ARHGAP31: variants seen among roughly 807,000 people sequenced by gnomAD.
ARHGAP31 encodes Rho GTPase activating protein 31.
ARHGAP31 carries 34 observed loss-of-function variants against 113.9 expected under a neutral mutation model. That is an observed-to-expected ratio of 0.30 (90% confidence interval 0.23 to 0.40). ARHGAP31 has a LOEUF of 0.40. Ranked by LOEUF, ARHGAP31 falls within the 10% of genes least tolerant of loss-of-function variation. The pLI is 1.00. For missense variants in ARHGAP31, 1,548 were observed against 1,767.1 expected (o/e 0.88, Z 2.22); for synonymous variants, 650 against 684.8 (o/e 0.95, Z 0.79).
At chr3:119,359,625 G>A (rs1367139454) in intron 1 of ARHGAP31, among the ~76,000 whole-genome samples, 1 of 152,106 alleles carries the variant, frequency 6.6e-6, no homozygotes, top group African/African-American at 2.4e-5. Flanking sequence ...GGCAGGGAGA[G>A]CCTCGCAGAG....
intron 10 of ARHGAP31, among the ~76,000 whole-genome samples, chr3:119,404,415 A>C (rs1388606375): frequency 6.6e-6 from 1 of 152,208 alleles, no homozygotes; most frequent in Non-Finnish European, 1.5e-5. Flanking sequence ...TGTGGAAGGC[A>C]GCCATCCAGA....
intron 1 of ARHGAP31, among the ~76,000 whole-genome samples, chr3:119,331,622 A>G (rs1287884690): frequency 6.6e-6 from 1 of 152,202 alleles, no homozygotes; most frequent in Non-Finnish European, 1.5e-5. Context: ...GACAAAAAGA[A>G]AACAGCTCCA....
Position 119,300,841 on chromosome 3 carries a change from A to AG in ARHGAP31, c.100+5837_100+5838insG, listed in dbSNP as rs1559959418. On this transcript the variant is annotated intron_variant, in intron 1 of 11. Transcript: ENST00000264245. ...GACTGACTCCATCTCAAAAAAAAAAAAAAAGAAAGAAAGAAAGAAAGAAAG... is the reference window on the plus strand; with the variant it reads ...GACTGACTCCATCTCAAAAAAAAAAAGAAAAGAAAGAAAGAAAGAAAGAAAG... Among the ~76,000 whole-genome samples, 30 of 139,280 alleles carry AG rather than the reference A, an allele frequency of 2.2e-4. No homozygotes were observed. The East Asian group carries it at 5.1e-3, about 24-fold the overall frequency. 91.4% of individuals were successfully genotyped at this position (139,280 alleles called of 152,430 possible).
intron 3 of ARHGAP31, among the ~76,000 whole-genome samples, chr3:119,370,155 C>A (rs761694254): frequency 4.6e-5 from 7 of 152,052 alleles, no homozygotes; most frequent in Non-Finnish European, 7.4e-5. Flanking sequence ...TATCCCCTAC[C>A]CATGGAACCA....
At chr3:119,372,104 G>A (rs972352666) in intron 3 of ARHGAP31, among the ~76,000 whole-genome samples, 4 of 152,050 alleles carry the variant, frequency 2.6e-5, no homozygotes, top group Non-Finnish European at 4.4e-5. Flanking sequence ...AACAATTTAT[G>A]TTCCTTTGGA....
At chr3:119,382,436 GGGCTCAGAGCA>G in intron 5 of ARHGAP31, 37 bp downstream of exon 5, 1 of 1,586,746 alleles carries the variant, frequency 6.3e-7, no homozygotes, top group Non-Finnish European at 8.7e-7. Flanking sequence ...CCAGCCCAGG[GGGCTCAGAGCA>G]GCCCCCGATT....
chr3:119,413,713 C>A, intron 11 of ARHGAP31, 143 bp from the exon 12 acceptor site: 2 of 1,112,774 alleles, frequency 1.8e-6, no homozygotes, highest in Non-Finnish European at 1.3e-6. Flanking sequence ...CTCAAATAGC[C>A]ACAGGTATTA....
rs2080755150 is a variant in ARHGAP31 at position 119,414,633 on chromosome 3, C to G, written c.2704C>G (p.Leu902Val). 2 of 1,614,222 alleles carry G rather than the reference C, an allele frequency of 1.2e-6. No homozygotes were observed. The highest frequency in any genetic ancestry group is 3.3e-5 in the Admixed American group (2 of 60,034). Residue 902 changes from leucine to valine, a missense_variant, in exon 12 of 12, where the codon CTG becomes GTG. Leu to Val is a conservative substitution (Grantham distance 32, BLOSUM62 1). Coordinates refer to ENST00000264245, the MANE Select transcript of ARHGAP31 (RefSeq NM_020754.4). Reference sequence around the variant, plus strand: ...TGTGACAGACATTGCCCAGCATGGCCTGGAGATGGTGGAGCCCTGGGAGGA... The same window carrying G: ...TGTGACAGACATTGCCCAGCATGGCGTGGAGATGGTGGAGCCCTGGGAGGA... ...DTVTDIAQHGLEMVEPWEEPQ... is the reference protein window; with the variant it reads ...DTVTDIAQHGVEMVEPWEEPQ...
chr3:119,300,658 G>A (rs1003817693), intron 1 of ARHGAP31, among the ~76,000 whole-genome samples: 8 of 151,746 alleles, frequency 5.3e-5, no homozygotes, highest in African/African-American at 1.7e-4. Flanking sequence ...GTGAAACCCC[G>A]TCTCTACTAA....
At chr3:119,404,324 G>C (rs1190475238) in intron 10 of ARHGAP31, among the ~76,000 whole-genome samples, 1 of 152,124 alleles carries the variant, frequency 6.6e-6, no homozygotes, top group Non-Finnish European at 1.5e-5. Flanking sequence ...TATTAAGTTG[G>C]TCTGGGAAAG....
In ARHGAP31 at chr3:119,414,773, C is replaced by A. The variant is rs370101797; in HGVS notation, c.2844C>A (p.Ser948Arg). 2.5e-6 allele frequency: 4 copies of A among 1,614,090 alleles called. No homozygotes were observed. In the African/African-American group the frequency reaches 5.3e-5, roughly 22 times the overall value. The change falls in exon 12 of 12, where the codon AGC becomes AGA. Residue 948 changes from serine (S) to arginine (R), a missense_variant. Ser to Arg is a moderately radical substitution (Grantham distance 110). Transcript: ENST00000264245. The part of the protein sequence containing the change: ...QLEKRLSHRP[S>R]LRQSHSLDSK... The stretch of plus-strand genomic sequence containing the variant: ...AGAAGAGGCTTTCCCACAGGCCCAG[C>A]CTTCGCCAGAGCCATTCTCTAGATA...
In ARHGAP31 at chr3:119,294,438, T is replaced by G. The variant is rs1033202166; in HGVS notation, c.-467T>G. 2.5e-6 allele frequency: 1 copy of G among 404,230 alleles called. No individual in the cohort carries two copies. The allele number at this position is 404,230 out of a possible 1,614,324, so 25.0% of individuals were successfully genotyped here. A position where few individuals can be genotyped will look rare whatever the true frequency, so the allele number is the denominator to read the frequency against. On this transcript the variant is annotated 5_prime_UTR_variant, in exon 1 of 12. Transcript: ENST00000264245. ...ATGCTTGTTTTTCGCTCTACCAAAG[T>G]CGTCTGAAGGCGAGACAGCGGGCCC...
chr3:119,336,476 T>G (rs1435198856), intron 1 of ARHGAP31, among the ~76,000 whole-genome samples: 1 of 152,090 alleles, frequency 6.6e-6, no homozygotes, highest in Non-Finnish European at 1.5e-5. Context: ...AATAAGGGGA[T>G]GTGTCGTCAG....
chr3:119,384,287 A>G (rs1008530408), intron 6 of ARHGAP31, among the ~76,000 whole-genome samples: 1 of 152,198 alleles, frequency 6.6e-6, no homozygotes, highest in Non-Finnish European at 1.5e-5. Flanking sequence ...CGTACAATTC[A>G]TCATTTTAAC....
chr3:119,295,062 C>T (rs917463235), intron 1 of ARHGAP31, 58 bp downstream of exon 1: 9 of 1,489,264 alleles, frequency 6.0e-6, no homozygotes, highest in Middle Eastern at 1.7e-4. Flanking sequence ...GAGGGAGAGA[C>T]GGACTCTCTC....
At chr3:119,401,156 GCT>G (rs1212499346) in intron 9 of ARHGAP31, among the ~76,000 whole-genome samples, 2,729 of 142,400 alleles carry the variant, frequency 0.019, 69 homozygotes, top group African/African-American at 0.067. Flanking sequence ...GGGCGACAGA[GCT>G]GTACTCCATC....
intron 8 of ARHGAP31, among the ~76,000 whole-genome samples, chr3:119,394,857 G>A (rs1280126371): frequency 6.6e-6 from 1 of 152,086 alleles, no homozygotes; most frequent in Non-Finnish European, 1.5e-5. Context: ...TGTGGATATA[G>A]AAGATATTAA....
chr3:119,394,772 T>C (rs568041799), intron 8 of ARHGAP31, among the ~76,000 whole-genome samples: 2 of 152,030 alleles, frequency 1.3e-5, no homozygotes, highest in African/African-American at 4.8e-5. Context: ...CTGAGGAACA[T>C]AGCAAAACCA....
intron 6 of ARHGAP31, among the ~76,000 whole-genome samples, chr3:119,383,982 A>G (rs914603145): frequency 3.9e-5 from 6 of 152,188 alleles, no homozygotes; most frequent in African/African-American, 1.4e-4. Context: ...CTGCTTTAAT[A>G]TGTTTGGAGT....
Sources: gnomAD v4.1 joint callset for allele counts (sites outside exome capture counted in the v4.1 genomes callset) on GRCh38, gnomAD v4.1.1 for gene constraint, MANE v1.5 for transcripts, NCBI Gene and HGNC (gene_info 2026-07-23, HGNC 2026-07-21) for gene names.